Variants in CDC37L1 observed in about 807,000 individuals in gnomAD.
CDC37L1 encodes the protein hsp90 co-chaperone Cdc37-like 1.
In CDC37L1, 32 loss-of-function variants were observed where a neutral mutation model predicts 45.9. That is an observed-to-expected ratio of 0.70 (90% confidence interval 0.53 to 0.94). CDC37L1 has a LOEUF of 0.94. Ranked by LOEUF, CDC37L1 falls within the 40% of genes least tolerant of loss-of-function variation. The pLI is 0.00. For missense variants in CDC37L1, 434 were observed against 405.7 expected (o/e 1.07, Z -0.60); for synonymous variants, 150 against 133.0 (o/e 1.13, Z -0.88).
chr9:4,704,932 C>T (rs1392449480), intron 6 of CDC37L1, among the ~76,000 whole-genome samples: 1 of 152,060 alleles, frequency 6.6e-6, no homozygotes, highest in South Asian at 2.1e-4. Context: ...TAAATAGAGG[C>T]AGGATTAAAA....
intron 2 of CDC37L1, among the ~76,000 whole-genome samples, chr9:4,687,678 CAAAAAAA>C (rs59932144): frequency 1.0e-4 from 6 of 58,408 alleles, no homozygotes; most frequent in South Asian, 7.8e-4. Flanking sequence ...GACCCCATCT[CAAAAAAA>C]AAAAAAAAAA....
At chr9:4,695,907 C>A (rs1012266204) in intron 3 of CDC37L1, among the ~76,000 whole-genome samples, 4 of 152,156 alleles carry the variant, frequency 2.6e-5, no homozygotes, top group South Asian at 2.1e-4. Context: ...TCTTGTGCCT[C>A]AGCCTTCCAA....
At chr9:4,689,072 T>C (rs967477572) in intron 3 of CDC37L1, among the ~76,000 whole-genome samples, 19 of 151,960 alleles carry the variant, frequency 1.3e-4, no homozygotes, top group African/African-American at 4.4e-4. Flanking sequence ...AACTGAAAAA[T>C]AGGTTTTTTC....
intron 2 of CDC37L1, among the ~76,000 whole-genome samples, chr9:4,687,045 G>T (rs987031760): frequency 2.0e-5 from 3 of 152,158 alleles, no homozygotes; most frequent in Non-Finnish European, 4.4e-5. Context: ...TTACATTTGT[G>T]ACTTGGATTG....
At chr9:4,685,511 G>A (rs1841239239) in intron 2 of CDC37L1, 1 of 171,860 alleles carries the variant, frequency 5.8e-6, no homozygotes, top group Non-Finnish European at 1.3e-5. Context: ...CCCCTACACT[G>A]ATTATCACTA....
chr9:4,701,859 T>A lies in CDC37L1; in HGVS notation c.748-5T>A. The stretch of plus-strand genomic sequence containing the variant: ...AGTCTTTGTTTTTTTTTTTGTTTTT[T>A]CTAGGCAGAGGAAGAAGGTTATTTT... On this transcript the variant is annotated splice_region_variant and splice_polypyrimidine_tract_variant and intron_variant, in intron 5 of 6. Transcript: ENST00000381854. The A allele has an allele frequency of 6.3e-7, 1 of 1,592,112 alleles. No homozygotes were observed. Among genetic ancestry groups the A allele is most frequent in the South Asian group, 1.1e-5 (1 of 87,716 alleles).
chr9:4,697,697 C>T (rs1841360911), intron 4 of CDC37L1, 60 bp from the exon 5 acceptor site: 2 of 802,928 alleles, frequency 2.5e-6, no homozygotes, highest in Admixed American at 2.8e-5. Flanking sequence ...AAATTTGAAT[C>T]AGTATGCCAA....
chr9:4,680,766 A>G (rs1841184973), intron 1 of CDC37L1, among the ~76,000 whole-genome samples: 1 of 152,220 alleles, frequency 6.6e-6, no homozygotes, highest in African/African-American at 2.4e-5. Flanking sequence ...ATGGATCATA[A>G]GTGTCTGCCG....
intron 2 of CDC37L1, among the ~76,000 whole-genome samples, chr9:4,688,249 C>T (rs547953881): frequency 2.0e-5 from 3 of 152,310 alleles, no homozygotes; most frequent in African/African-American, 4.8e-5. Flanking sequence ...CCACCCGCCT[C>T]GGCCTCCCAA....
At chr9:4,680,418 A>T (rs1310983919) in intron 1 of CDC37L1, among the ~76,000 whole-genome samples, 1 of 152,130 alleles carries the variant, frequency 6.6e-6, no homozygotes, top group Non-Finnish European at 1.5e-5. Context: ...CTCGCTTTTG[A>T]CGCTGGCGTA....
intron 2 of CDC37L1, among the ~76,000 whole-genome samples, chr9:4,686,218 T>G (rs183886738): frequency 1.3e-5 from 2 of 152,286 alleles, no homozygotes; most frequent in East Asian, 3.9e-4. Flanking sequence ...TCTCATGAAC[T>G]TTTTTAATTG....
At chr9:4,704,140 T>C (rs925551531) in intron 6 of CDC37L1, among the ~76,000 whole-genome samples, 1 of 152,206 alleles carries the variant, frequency 6.6e-6, no homozygotes, top group Non-Finnish European at 1.5e-5. Flanking sequence ...ACATCCCATT[T>C]TTATATCAGT....
rs12686338 is a variant in CDC37L1, at chr9:4,702,871, A to G, written c.912+843A>G. On this transcript the variant is annotated intron_variant, in intron 6 of 6. Coordinates refer to ENST00000381854, the MANE Select transcript of CDC37L1 (RefSeq NM_017913.4). Reference sequence around the variant, plus strand: ...GCCACTGCACTCCAGCCTGGGCGACAGAGCAAGACTCCGTCTCAAAAAAAA... The same window carrying G: ...GCCACTGCACTCCAGCCTGGGCGACGGAGCAAGACTCCGTCTCAAAAAAAA... Among the ~76,000 whole-genome samples, 148 of 140,388 alleles carry G rather than the reference A, an allele frequency of 1.1e-3. 3 individuals are homozygous for G. In the East Asian group the frequency reaches 0.028, roughly 27 times the overall value. The allele number at this position is 140,388 out of a possible 152,430, so 92.1% of individuals were successfully genotyped here.
chr9:4,701,910 C>G lies in CDC37L1; in HGVS notation c.794C>G (p.Ala265Gly). 6.2e-7 allele frequency: 1 copy of G among 1,603,884 alleles called. No individual in the cohort carries two copies. The change falls in exon 6 of 7, where the codon GCT becomes GGT. Residue 265 changes from alanine to glycine, a missense_variant. Coordinates refer to ENST00000381854, the MANE Select transcript of CDC37L1 (RefSeq NM_017913.4). ...GAAGCATTCAAAAATGAACTTGAAGCTTTCAAGTCAAGAGTAAGACTTTAT... is the reference window on the plus strand; with the variant it reads ...GAAGCATTCAAAAATGAACTTGAAGGTTTCAAGTCAAGAGTAAGACTTTAT... ...YFEAFKNELE[A>G]FKSRVRLYSQ...
intron 2 of CDC37L1, among the ~76,000 whole-genome samples, chr9:4,685,631 C>T (rs540098879): frequency 1.3e-3 from 203 of 152,182 alleles, no homozygotes; most frequent in Non-Finnish European, 1.5e-3. Flanking sequence ...GTGAGAAATT[C>T]CTGACTCTGG....
intron 1 of CDC37L1, among the ~76,000 whole-genome samples, chr9:4,683,138 T>G (rs2130842308): frequency 6.9e-6 from 1 of 145,258 alleles, no homozygotes; most frequent in African/African-American, 2.5e-5. Flanking sequence ...TTTTATAATA[T>G]ATGAATATAT....
chr9:4,700,263 C>A (rs1340599283), intron 5 of CDC37L1, among the ~76,000 whole-genome samples: 1 of 152,198 alleles, frequency 6.6e-6, no homozygotes, highest in Non-Finnish European at 1.5e-5. Flanking sequence ...TCAAGCAATC[C>A]TCCTGCCTCA....
intron 3 of CDC37L1, 66 bp from the exon 4 acceptor site, chr9:4,697,030 G>A: frequency 2.8e-6 from 2 of 717,640 alleles, no homozygotes; most frequent in Non-Finnish European, 5.0e-6. Context: ...AGAATGGTTG[G>A]TATTTCTTCC....
chr9:4,684,096 C>T (rs1841223157), intron 1 of CDC37L1, among the ~76,000 whole-genome samples: 1 of 151,808 alleles, frequency 6.6e-6, no homozygotes, highest in African/African-American at 2.4e-5. Flanking sequence ...CCATCTTGGC[C>T]AACATGGTGA....
Sources: allele counts gnomAD v4.1 joint callset (sites outside exome capture counted in the v4.1 genomes callset), GRCh38; gene constraint gnomAD v4.1.1; transcripts MANE v1.5; gene names NCBI Gene and HGNC (gene_info 2026-07-23, HGNC 2026-07-21).